HDAC4: variants seen among roughly 807,000 people sequenced by gnomAD.
HDAC4 encodes histone deacetylase 4.
HDAC4 carries 16 observed loss-of-function variants against 135.1 expected under a neutral mutation model. That is an observed-to-expected ratio of 0.12 (90% CI 0.08 to 0.18). The LOEUF is 0.18. Among genes scored for constraint, HDAC4 ranks in the 10% least tolerant of loss-of-function variants. The probability of loss-of-function intolerance (pLI) is 1.00; values close to 1 mark genes in which losing one functional copy is unlikely to be tolerated. For missense variants in HDAC4, 1,143 were observed against 1,511.8 expected, an observed-to-expected ratio of 0.76 and a Z score of 4.05; for synonymous variants, 685 against 653.4, an observed-to-expected ratio of 1.05 and a Z score of -0.74.
intron 2 of HDAC4, among the ~76,000 whole-genome samples, chr2:239,256,999 T>G (rs2125044882): frequency 6.6e-6 from 1 of 152,348 alleles, no homozygotes; most frequent in East Asian, 1.9e-4. Context: ...GAAACACCTA[T>G]TCTCACATAA....
At chr2:239,140,561 G>T (rs1325523182) in intron 8 of HDAC4, among the ~76,000 whole-genome samples, 1 of 152,208 alleles carries the variant, frequency 6.6e-6, no homozygotes, top group Non-Finnish European at 1.5e-5. Context: ...TAGTTTAACG[G>T]CATTTTAACA....
chr2:239,333,168 C>T (rs554134619), intron 2 of HDAC4, among the ~76,000 whole-genome samples: 2 of 152,236 alleles, frequency 1.3e-5, no homozygotes, highest in South Asian at 2.1e-4. Flanking sequence ...GAAAATCAAA[C>T]AGGTGTCAGC....
At chr2:239,242,128 GAGAAAGAGAAAGAAAGAA>G (rs1261994025) in intron 2 of HDAC4, among the ~76,000 whole-genome samples, 7 of 149,756 alleles carry the variant, frequency 4.7e-5, no homozygotes, top group East Asian at 2.0e-4. Flanking sequence ...AAGAAAGAAG[GAGAAAGAGAAAGAAAGAA>G]AGAAAGAGAA....
chr2:239,215,050 G>A (rs1446679821), intron 3 of HDAC4, among the ~76,000 whole-genome samples: 1 of 152,258 alleles, frequency 6.6e-6, no homozygotes, highest in African/African-American at 2.4e-5. Flanking sequence ...CCAGGCGGGA[G>A]CAGACATTCG....
rs552576637 is a variant in HDAC4 at position 239,179,377 on chromosome 2, C to A, written c.340-2814G>T. Among the ~76,000 whole-genome samples, 6 of 152,322 alleles carry A rather than the reference C, an allele frequency of 3.9e-5. No individual in the cohort carries two copies. In the East Asian group the frequency reaches 1.2e-3, roughly 29 times the overall value. On this transcript the variant is annotated intron_variant, in intron 4 of 26. Coordinates refer to ENST00000543185, the MANE Select transcript of HDAC4 (RefSeq NM_001378414.1). ...GTAAGTGGCAGGCTAGGGAGCATTCCCGCCAGAGCTCAAGCTCCTGCTGGA... is the reference window on the plus strand; with the variant it reads ...GTAAGTGGCAGGCTAGGGAGCATTCACGCCAGAGCTCAAGCTCCTGCTGGA...
At chr2:239,202,734 C>T (rs1057372889) in intron 3 of HDAC4, among the ~76,000 whole-genome samples, 1 of 151,982 alleles carries the variant, frequency 6.6e-6, no homozygotes, top group Non-Finnish European at 1.5e-5. Context: ...TGGAGCTGTA[C>T]CCCCTGACCT....
intron 22 of HDAC4, among the ~76,000 whole-genome samples, chr2:239,075,019 C>G (rs1312157262): frequency 1.3e-5 from 2 of 151,876 alleles, no homozygotes; most frequent in Non-Finnish European, 2.9e-5. Flanking sequence ...GTCAGGAGAT[C>G]GAGACCATCC....
chr2:239,300,458 G>C (rs2052185394), intron 2 of HDAC4, among the ~76,000 whole-genome samples: 1 of 152,210 alleles, frequency 6.6e-6, no homozygotes, highest in Non-Finnish European at 1.5e-5. Context: ...TGCCCCGATG[G>C]GCATTGCTGC....
chr2:239,303,999 G>A lies in HDAC4; in HGVS notation c.22+48679C>T, dbSNP rs1257508643. On this transcript the variant is annotated intron_variant, in intron 2 of 26. Coordinates refer to ENST00000543185, the MANE Select transcript of HDAC4 (RefSeq NM_001378414.1). The surrounding 1 kb of genome is among the most constrained non-coding windows in gnomAD (Gnocchi z 5.1). ...GCCCGCCAGGTCCTCTCGAGCCCCT[G>A]GAGTGCCCTGTGAGCCACAGCTTAT... Among the ~76,000 whole-genome samples, 4 of 152,156 alleles carry A rather than the reference G, an allele frequency of 2.6e-5. No homozygotes were observed. Among genetic ancestry groups the A allele is most frequent in the African/African-American group, 9.7e-5 (4 of 41,438 alleles).
chr2:239,269,931 A>G (rs562848491), intron 2 of HDAC4, among the ~76,000 whole-genome samples: 91 of 152,298 alleles, frequency 6.0e-4, no homozygotes, highest in Admixed American at 1.5e-3. Context: ...GCACATTATC[A>G]TGTGTCAGGG....
intron 7 of HDAC4, among the ~76,000 whole-genome samples, chr2:239,153,214 T>C (rs759732235): frequency 1.3e-5 from 2 of 152,318 alleles, no homozygotes; most frequent in Non-Finnish European, 2.9e-5. Context: ...AAAAAATGCA[T>C]GGGGTGACGA....
chr2:239,091,782 C>T (rs148070461), intron 17 of HDAC4: 3,292 of 151,782 alleles, frequency 0.022, 70 homozygotes, highest in Middle Eastern at 0.034. Context: ...AGATGTGGGC[C>T]GGGCGCAGTG....
chr2:239,159,851 T>A (rs3791513), intron 6 of HDAC4, among the ~76,000 whole-genome samples: 6 of 152,350 alleles, frequency 3.9e-5, no homozygotes, highest in Non-Finnish European at 7.3e-5. Flanking sequence ...ACACAGACGC[T>A]GGGCCAGGAG....
intron 3 of HDAC4, among the ~76,000 whole-genome samples, chr2:239,194,556 C>T (rs1158458540): frequency 6.6e-6 from 1 of 152,232 alleles, no homozygotes; most frequent in Non-Finnish European, 1.5e-5. Context: ...TTAAATTCCA[C>T]CACCTGTGAA....
intron 1 of HDAC4, among the ~76,000 whole-genome samples, chr2:239,385,818 A>T (rs959288461): frequency 6.6e-6 from 1 of 151,932 alleles, no homozygotes. Flanking sequence ...GGCTGTGATG[A>T]CCCTTCCTGC....
intron 2 of HDAC4, among the ~76,000 whole-genome samples, chr2:239,316,814 A>G (rs1425768498): frequency 1.3e-5 from 2 of 152,206 alleles, no homozygotes; most frequent in Non-Finnish European, 2.9e-5. Context: ...TGGAAAGGAC[A>G]GGGGACAGCA....
intron 14 of HDAC4, among the ~76,000 whole-genome samples, chr2:239,109,893 G>C (rs1393567624): frequency 6.6e-6 from 1 of 152,176 alleles, no homozygotes; most frequent in African/African-American, 2.4e-5. Flanking sequence ...TGGAACTTAC[G>C]AGGCAGACAC....
intron 3 of HDAC4, among the ~76,000 whole-genome samples, chr2:239,194,926 C>T (rs2045271222): frequency 6.6e-6 from 1 of 152,250 alleles, no homozygotes; most frequent in African/African-American, 2.4e-5. Context: ...CAAGTTACTC[C>T]TCGCAGATCT....
At chr2:239,326,623 AAT>A (rs1340895386) in intron 2 of HDAC4, among the ~76,000 whole-genome samples, 26 of 152,376 alleles carry the variant, frequency 1.7e-4, no homozygotes, top group Non-Finnish European at 2.9e-4. Flanking sequence ...ATTAAAAAGA[AAT>A]ATGTTATTTA....
Sources: gnomAD v4.1 joint callset for allele counts (sites outside exome capture counted in the v4.1 genomes callset) on GRCh38, gnomAD v4.1.1 for gene constraint, Gnocchi (gnomAD v3.1) non-coding constraint, MANE v1.5 for transcripts, NCBI Gene and HGNC (gene_info 2026-07-23, HGNC 2026-07-21) for gene names.